Variants in NCAPH2 observed in about 807,000 individuals in gnomAD.
The protein encoded by NCAPH2 is condensin-2 complex subunit H2.
In NCAPH2, 56 loss-of-function variants were observed where a neutral mutation model predicts 88.6. The observed-to-expected ratio is 0.63, with a 90% CI of 0.51 to 0.79. NCAPH2 has a LOEUF of 0.79. NCAPH2 is among the 30% of genes least tolerant of loss of function. The probability of loss-of-function intolerance (pLI) is 0.00; values close to 1 mark genes in which losing one functional copy is unlikely to be tolerated. For missense variants in NCAPH2, 794 were observed against 792.0 expected (o/e 1.00, Z -0.03); for synonymous variants, 378 against 313.6 (o/e 1.21, Z -2.17).
At position 50,515,605 on chromosome 22, in the gene NCAPH2, C is replaced by T. The variant is rs1380522263; in HGVS notation, c.109-842C>T. 14 of 741,834 alleles carry T rather than the reference C, an allele frequency of 1.9e-5. No individual in the cohort carries two copies. The East Asian group carries it at 9.4e-4, about 50-fold the overall frequency. The allele number at this position is 741,834 out of a possible 1,614,324, so 46.0% of individuals were successfully genotyped here. A position where few individuals can be genotyped will look rare whatever the true frequency, so the allele number is the denominator to read the frequency against. ...TAGAGACGAGGTTTCACCGTGTTAG[C>T]CAGGATGGTCTCGATCTCCTGACCT... On this transcript the variant is annotated intron_variant, in intron 1 of 19. Coordinates refer to ENST00000420993, the MANE Select transcript of NCAPH2 (RefSeq NM_152299.4).
At chr22:50,516,043 T>C (rs770114808) in intron 1 of NCAPH2, among the ~76,000 whole-genome samples, 39 of 152,132 alleles carry the variant, frequency 2.6e-4, no homozygotes, top group Non-Finnish European at 5.0e-4. Flanking sequence ...TGTAACTGTT[T>C]CCTGAGTTCT....
intron 1 of NCAPH2, among the ~76,000 whole-genome samples, chr22:50,513,143 G>A (rs2068830098): frequency 6.6e-6 from 1 of 152,228 alleles, no homozygotes; most frequent in Non-Finnish European, 1.5e-5. Flanking sequence ...TGTTAGTAGA[G>A]GCGTTAGAGA....
chr22:50,508,430 C>G lies in NCAPH2; in HGVS notation c.93C>G (p.Gly31=). The stretch of plus-strand genomic sequence containing the variant: ...AGGTGGACGTGGCGGCCCAGCTGGG[C>G]GAGTATCTGGAGGAGGTAAGGGCGG... ...NWEVDVAAQL[G]EYLEELDQIC... Residue 31 remains glycine (G), a synonymous_variant, in exon 1 of 20, where the codon GGC becomes GGG. Transcript: ENST00000420993. 2 of 1,305,862 alleles carry G rather than the reference C, an allele frequency of 1.5e-6. No homozygotes were observed. The highest frequency in any genetic ancestry group is 4.3e-5 in the East Asian group (1 of 23,340). 80.9% of individuals were successfully genotyped at this position (1,305,862 alleles called of 1,614,324 possible). A position where few individuals can be genotyped will look rare whatever the true frequency, so the allele number is the denominator to read the frequency against.
rs1209313413 is a variant in NCAPH2, at chr22:50,523,736, T to C, written c.*361T>C. On this transcript the variant is annotated 3_prime_UTR_variant, in exon 20 of 20. Coordinates refer to ENST00000420993, the MANE Select transcript of NCAPH2 (RefSeq NM_152299.4). ...TCAGGGTTGAGCAGGTAGATGGCAA[T>C]GGAGTGGTCCACGATGTAGTCCTGG... The C allele has an allele frequency of 5.6e-6, 9 of 1,614,152 alleles. No individual in the cohort carries two copies. Among genetic ancestry groups the C allele is most frequent in the East Asian group, 4.5e-5 (2 of 44,880 alleles).
intron 1 of NCAPH2, among the ~76,000 whole-genome samples, chr22:50,509,322 C>T (rs1476265200): frequency 6.6e-6 from 1 of 152,190 alleles, no homozygotes; most frequent in Non-Finnish European, 1.5e-5. Flanking sequence ...CAGCTGCTCT[C>T]TTGACATCTA....
intron 1 of NCAPH2, among the ~76,000 whole-genome samples, chr22:50,510,138 G>A (rs545404188): frequency 2.0e-5 from 3 of 152,254 alleles, no homozygotes; most frequent in African/African-American, 7.2e-5. Flanking sequence ...AGCCAGGATG[G>A]TCTCGATCTC....
intron 9 of NCAPH2, among the ~76,000 whole-genome samples, chr22:50,520,236 G>A (rs548621314): frequency 6.6e-6 from 1 of 151,908 alleles, no homozygotes; most frequent in South Asian, 2.1e-4. Context: ...TACTAGCAGG[G>A]TTTATTTTTA....
At chr22:50,515,427 C>G (rs559947659) in intron 1 of NCAPH2, among the ~76,000 whole-genome samples, 1 of 152,090 alleles carries the variant, frequency 6.6e-6, no homozygotes, top group African/African-American at 2.4e-5. Flanking sequence ...GACGGAGTCT[C>G]GCTCTGTCGC....
At position 50,524,217 on chromosome 22, in the gene NCAPH2, G is replaced by T; in HGVS notation, c.*842G>T. The stretch of plus-strand genomic sequence containing the variant: ...CCCCACCGAGTCCAGCCCCGAACAG[G>T]CCTGTGATCAGCAGCCGGGTTCGAA... On this transcript the variant is annotated 3_prime_UTR_variant, in exon 20 of 20. Coordinates refer to ENST00000420993, the MANE Select transcript of NCAPH2 (RefSeq NM_152299.4). 1 of 1,608,186 alleles carries T rather than the reference G, an allele frequency of 6.2e-7. No individual in the cohort carries two copies.
Position 50,524,337 on chromosome 22 carries a change from G to C in NCAPH2, c.*962G>C, listed in dbSNP as rs779720036. ...TCAGATGCAGGGCCTGGCCTCCCAG[G>C]GTCCCAGGGAGGACCCGAGGCTTGA... is the stretch of plus-strand genomic sequence containing the variant. On this transcript the variant is annotated 3_prime_UTR_variant, in exon 20 of 20. Coordinates refer to ENST00000420993, the MANE Select transcript of NCAPH2 (RefSeq NM_152299.4). 6.2e-7 allele frequency: 1 copy of C among 1,601,850 alleles called. No individual in the cohort carries two copies. Among genetic ancestry groups the C allele is most frequent in the South Asian group, 1.1e-5 (1 of 91,078 alleles).
Position 50,524,162 on chromosome 22 carries a change from T to G in NCAPH2, c.*787T>G, listed in dbSNP as rs1569521575. On this transcript the variant is annotated 3_prime_UTR_variant, in exon 20 of 20. Transcript: ENST00000420993. ...TCTGTTCGCTTTTGCTGCTGCAGCC[T>G]CTCCTTCTCAGCCCTCAGGGCCAGC... 1 of 1,610,818 alleles carries G rather than the reference T, an allele frequency of 6.2e-7. No individual in the cohort carries two copies. Among genetic ancestry groups the G allele is most frequent in the Admixed American group, 1.7e-5 (1 of 60,026 alleles).
chr22:50,517,813 A>G lies in NCAPH2; in HGVS notation c.420+4A>G. The G allele has an allele frequency of 6.2e-7, 1 of 1,613,772 alleles. No homozygotes were observed. The highest frequency in any genetic ancestry group is 8.5e-7 in the Non-Finnish European group (1 of 1,179,962). ...CAAGAATGATCAGACGCCCAGTGTG[A>G]GTCCTGGCCTGGCCCCTCTTAGGCT... On this transcript the variant is annotated splice_donor_region_variant and intron_variant, in intron 5 of 19. Transcript: ENST00000420993.
intron 1 of NCAPH2, among the ~76,000 whole-genome samples, chr22:50,508,698 G>T (rs2068698139): frequency 1.3e-5 from 2 of 152,252 alleles, no homozygotes; most frequent in Non-Finnish European, 2.9e-5. Flanking sequence ...TGATTGAGTG[G>T]GTGGTGACCA....
At chr22:50,509,774 C>T (rs1428228002) in intron 1 of NCAPH2, among the ~76,000 whole-genome samples, 1 of 152,196 alleles carries the variant, frequency 6.6e-6, no homozygotes, top group African/African-American at 2.4e-5. Flanking sequence ...ATTTCCTTCT[C>T]TGAACCTGGC....
rs907744459 is a variant in NCAPH2, at chr22:50,512,635, C to T, written c.109-3812C>T. Among the ~76,000 whole-genome samples the T allele has an allele frequency of 3.3e-5, 5 of 150,544 alleles. No homozygotes were observed. The Admixed American group carries it at 3.3e-4, about 10-fold the overall frequency. ...GTGCAATCATGGCTCACTGCAGCCTCGATCTCCCAGGCTCAAGTGATCCTC... is the reference window on the plus strand; with the variant it reads ...GTGCAATCATGGCTCACTGCAGCCTTGATCTCCCAGGCTCAAGTGATCCTC... On this transcript the variant is annotated intron_variant, in intron 1 of 19. Coordinates refer to ENST00000420993, the MANE Select transcript of NCAPH2 (RefSeq NM_152299.4).
rs1477026457 is a variant in NCAPH2, at chr22:50,523,753, T to C, written c.*378T>C. The C allele has an allele frequency of 6.2e-7, 1 of 1,614,232 alleles. No homozygotes were observed. The highest frequency in any genetic ancestry group is 8.5e-7 in the Non-Finnish European group (1 of 1,180,034). Reference sequence around the variant, plus strand: ...GATGGCAATGGAGTGGTCCACGATGTAGTCCTGGTCCTCATCCTTGGGGCC... The same window carrying C: ...GATGGCAATGGAGTGGTCCACGATGCAGTCCTGGTCCTCATCCTTGGGGCC... On this transcript the variant is annotated 3_prime_UTR_variant, in exon 20 of 20. Coordinates refer to ENST00000420993, the MANE Select transcript of NCAPH2 (RefSeq NM_152299.4).
Position 50,509,718 on chromosome 22 carries a change from A to G in NCAPH2, c.108+1273A>G, listed in dbSNP as rs2068734502. 2.6e-5 allele frequency among the ~76,000 whole-genome samples: 4 copies of G among 152,146 alleles called. No individual in the cohort carries two copies. The South Asian group carries it at 8.3e-4, about 32-fold the overall frequency. ...GGCCACAGCACTGTTTTCTGCCTAA[A>G]ATCAACCCCTCAGTGGCTTTCCATT... On this transcript the variant is annotated intron_variant, in intron 1 of 19. Coordinates refer to ENST00000420993, the MANE Select transcript of NCAPH2 (RefSeq NM_152299.4).
chr22:50,521,409 A>G, intron 10 of NCAPH2, 134 bp from the exon 11 acceptor site: 1 of 893,448 alleles, frequency 1.1e-6, no homozygotes, highest in Admixed American at 1.9e-5. Context: ...TGCACCCCCT[A>G]CTCCTCCTTT....
In NCAPH2 at chr22:50,521,802, G is replaced by A. The variant is rs144767030; in HGVS notation, c.1062G>A (p.Lys354=). The A allele has an allele frequency of 4.3e-6, 7 of 1,613,828 alleles. No homozygotes were observed. Among genetic ancestry groups the A allele is most frequent in the Admixed American group, 1.7e-5 (1 of 60,010 alleles). Residue 354 remains lysine, a synonymous_variant, in exon 12 of 20, where the codon AAG becomes AAA. Coordinates refer to ENST00000420993, the MANE Select transcript of NCAPH2 (RefSeq NM_152299.4). The part of the protein sequence containing the change: ...EEALGQKRKR[K]GAAKLQDFHQ... ...CTCTGGGACAGAAGCGCAAGAGGAAGGGCGCTGCCAAGCTGCAGGACTTCC... is the reference window on the plus strand; with the variant it reads ...CTCTGGGACAGAAGCGCAAGAGGAAAGGCGCTGCCAAGCTGCAGGACTTCC...
Sources: gnomAD v4.1 joint callset for allele counts (sites outside exome capture counted in the v4.1 genomes callset) on GRCh38, gnomAD v4.1.1 for gene constraint, MANE v1.5 for transcripts, NCBI Gene and HGNC (gene_info 2026-07-23, HGNC 2026-07-21) for gene names.